LIN7A: variants seen among roughly 807,000 people sequenced by gnomAD.
The protein encoded by LIN7A is lin-7 cell polarity scaffold A.
A neutral mutation model predicts 29.8 loss-of-function variants in LIN7A; 25 were observed. The observed-to-expected ratio is 0.84, with a 90% CI of 0.61 to 1.17. The LOEUF (loss-of-function observed/expected upper bound fraction) is 1.17. LIN7A is among the 50% of genes most tolerant of loss of function. The probability of loss-of-function intolerance (pLI) is 0.00; values close to 1 mark genes in which losing one functional copy is unlikely to be tolerated. For missense variants in LIN7A, 239 were observed against 287.0 expected (o/e 0.83, Z 1.21); for synonymous variants, 118 against 107.5 (o/e 1.10, Z -0.60).
chr12:80,807,337 T>C (rs1048749804), intron 5 of LIN7A, among the ~76,000 whole-genome samples: 5 of 152,192 alleles, frequency 3.3e-5, no homozygotes, highest in African/African-American at 7.2e-5. Context: ...CCCAAAGTGC[T>C]GGGATTACAG....
intron 2 of LIN7A, among the ~76,000 whole-genome samples, chr12:80,865,333 T>G (rs1874083624): frequency 6.9e-6 from 1 of 144,030 alleles, no homozygotes; most frequent in Admixed American, 7.2e-5. Flanking sequence ...AAAGGTTTGT[T>G]TTTTAAACTG....
chr12:80,886,857 C>G (rs1437053928), intron 2 of LIN7A, among the ~76,000 whole-genome samples: 1 of 152,088 alleles, frequency 6.6e-6, no homozygotes, highest in Non-Finnish European at 1.5e-5. Flanking sequence ...ATTTCATTCT[C>G]ATTTTCCTTA....
At chr12:80,862,879 A>G (rs1157812138) in intron 2 of LIN7A, among the ~76,000 whole-genome samples, 1 of 152,238 alleles carries the variant, frequency 6.6e-6, no homozygotes, top group Non-Finnish European at 1.5e-5. Context: ...AAGAAGGTAC[A>G]GAATTAAAGA....
At chr12:80,850,964 A>G (rs1873301102) in intron 2 of LIN7A, among the ~76,000 whole-genome samples, 1 of 152,156 alleles carries the variant, frequency 6.6e-6, no homozygotes, top group Non-Finnish European at 1.5e-5. Flanking sequence ...ACACAAAGAC[A>G]CTGAGTCACA....
At chr12:80,907,356 G>T (rs2120775760) in intron 1 of LIN7A, among the ~76,000 whole-genome samples, 1 of 152,204 alleles carries the variant, frequency 6.6e-6, no homozygotes, top group Admixed American at 6.6e-5. Context: ...AGGCAATAAG[G>T]ACATATGTGC....
chr12:80,882,004 T>C (rs1875069349), intron 2 of LIN7A, among the ~76,000 whole-genome samples: 2 of 152,182 alleles, frequency 1.3e-5, no homozygotes, highest in Non-Finnish European at 2.9e-5. Flanking sequence ...CTTCTTGTCA[T>C]CTAACAAGGT....
At chr12:80,875,521 C>T (rs138080765) in intron 2 of LIN7A, among the ~76,000 whole-genome samples, 2 of 152,130 alleles carry the variant, frequency 1.3e-5, no homozygotes, top group Non-Finnish European at 2.9e-5. Context: ...AAATTTGGCT[C>T]TAATTACAGA....
At chr12:80,905,239 G>T (rs538027548) in intron 1 of LIN7A, among the ~76,000 whole-genome samples, 1 of 151,760 alleles carries the variant, frequency 6.6e-6, no homozygotes, top group Admixed American at 6.6e-5. Context: ...ACCCAGGCTG[G>T]AGTGCAGTGG....
At chr12:80,922,969 G>A (rs921137633) in intron 1 of LIN7A, among the ~76,000 whole-genome samples, 3 of 152,142 alleles carry the variant, frequency 2.0e-5, no homozygotes, top group African/African-American at 7.2e-5. Flanking sequence ...CCTTGCATAA[G>A]TGGGGGGCAC....
chr12:80,914,040 C>T (rs1876906551), intron 1 of LIN7A, among the ~76,000 whole-genome samples: 1 of 152,210 alleles, frequency 6.6e-6, no homozygotes, highest in Non-Finnish European at 1.5e-5. Flanking sequence ...CATGGACCAA[C>T]ATGTTTCCTC....
chr12:80,904,407 T>C (rs1375485586), intron 1 of LIN7A, among the ~76,000 whole-genome samples: 1 of 152,196 alleles, frequency 6.6e-6, no homozygotes, highest in Admixed American at 6.5e-5. Context: ...CTTAAACTTA[T>C]TTTTTCTATC....
At chr12:80,865,751 G>A (rs1250086890) in intron 2 of LIN7A, among the ~76,000 whole-genome samples, 3 of 152,182 alleles carry the variant, frequency 2.0e-5, no homozygotes, top group Non-Finnish European at 2.9e-5. Context: ...GATCTGGAGA[G>A]GTAGATGATG....
chr12:80,888,330 T>G (rs1028118996), intron 2 of LIN7A, among the ~76,000 whole-genome samples: 7 of 152,142 alleles, frequency 4.6e-5, no homozygotes, highest in Admixed American at 2.6e-4. Flanking sequence ...TGGTCTTTCC[T>G]GCCTAGCGAC....
chr12:80,870,198 T>C (rs1874358233), intron 2 of LIN7A, among the ~76,000 whole-genome samples: 1 of 152,152 alleles, frequency 6.6e-6, no homozygotes, highest in Admixed American at 6.5e-5. Context: ...TCCATCATTA[T>C]CACAATTAGT....
At chr12:80,815,303 C>T (rs1250684672) in intron 4 of LIN7A, among the ~76,000 whole-genome samples, 1 of 152,040 alleles carries the variant, frequency 6.6e-6, no homozygotes, top group South Asian at 2.1e-4. Flanking sequence ...GAAATCAAAC[C>T]ATCTTGCCAC....
In LIN7A at chr12:80,793,060, A is replaced by G. The variant is rs759725027; in HGVS notation, c.*4667T>C. 6.7e-6 allele frequency: 1 copy of G among 149,272 alleles called. No individual in the cohort carries two copies. Among genetic ancestry groups the G allele is most frequent in the Non-Finnish European group, 1.5e-5 (1 of 68,004 alleles). 9.2% of individuals were successfully genotyped at this position (149,272 alleles called of 1,614,324 possible). A position where few individuals can be genotyped will look rare whatever the true frequency, so the allele number is the denominator to read the frequency against. ...TTAGTGACTCATTCATTTTAATGTA[A>G]TGGTGTCCCCCAAACCACAGATAAT... On this transcript the variant is annotated 3_prime_UTR_variant, in exon 6 of 6. Coordinates refer to ENST00000552864, the MANE Select transcript of LIN7A (RefSeq NM_004664.4).
intron 4 of LIN7A, among the ~76,000 whole-genome samples, chr12:80,844,622 A>G (rs1872973759): frequency 6.6e-6 from 1 of 152,162 alleles, no homozygotes; most frequent in South Asian, 2.1e-4. Context: ...GGTAACATTG[A>G]TAAGTTTCTG....
chr12:80,813,848 CCTTG>C (rs1458957495), intron 4 of LIN7A, among the ~76,000 whole-genome samples: 1 of 151,946 alleles, frequency 6.6e-6, no homozygotes, highest in Admixed American at 6.6e-5. Context: ...GGCCTTTTTG[CCTTG>C]CTTCTTGGGT....
intron 4 of LIN7A, among the ~76,000 whole-genome samples, chr12:80,827,991 T>A (rs796829029): frequency 1.3e-5 from 2 of 152,252 alleles, no homozygotes; most frequent in African/African-American, 4.8e-5. Context: ...TCACATAAAG[T>A]TCTCAGCTAC....
Sources: gnomAD v4.1 joint callset for allele counts (sites outside exome capture counted in the v4.1 genomes callset) on GRCh38, gnomAD v4.1.1 for gene constraint, MANE v1.5 for transcripts, NCBI Gene and HGNC (gene_info 2026-07-23, HGNC 2026-07-21) for gene names.